The following RUNX1T1 variants were observed in gnomAD, a reference collection of about 807,000 sequenced individuals.
RUNX1T1 encodes the protein RUNX1 partner transcriptional co-repressor 1.
A neutral mutation model predicts 62.8 loss-of-function variants in RUNX1T1; 4 were observed. That is an observed-to-expected ratio of 0.06 (90% CI 0.03 to 0.15). RUNX1T1 has a LOEUF of 0.15. Ranked by LOEUF, RUNX1T1 falls within the 10% of genes least tolerant of loss-of-function variation. The probability of loss-of-function intolerance (pLI) is 1.00; values close to 1 mark genes in which losing one functional copy is unlikely to be tolerated. For synonymous variants in RUNX1T1, 291 were observed against 286.0 expected (o/e 1.02, Z -0.18); for missense variants, 508 against 754.3 (o/e 0.67, Z 3.82).
intron 1 of RUNX1T1, chr8:92,095,462 G>T: frequency 6.5e-7 from 1 of 1,534,732 alleles, no homozygotes; most frequent in Non-Finnish European, 8.7e-7. Context: ...TGTCAGGATG[G>T]CACATTGTGT....
chr8:92,057,303 C>T (rs924636958), intron 1 of RUNX1T1, among the ~76,000 whole-genome samples: 16 of 152,136 alleles, frequency 1.1e-4, no homozygotes, highest in African/African-American at 3.9e-4. Flanking sequence ...CATACCCAAC[C>T]CCTCTCAAAA....
At chr8:92,060,768 G>C (rs1330864011) in intron 1 of RUNX1T1, among the ~76,000 whole-genome samples, 1 of 152,022 alleles carries the variant, frequency 6.6e-6, no homozygotes, top group Non-Finnish European at 1.5e-5. Context: ...TTTAGAGGTA[G>C]TCCATCCAAT....
intron 5 of RUNX1T1, among the ~76,000 whole-genome samples, chr8:92,001,524 A>T (rs1819757328): frequency 6.6e-6 from 1 of 152,234 alleles, no homozygotes; most frequent in African/African-American, 2.4e-5. Flanking sequence ...TGGCCTTTGC[A>T]TTGAAAGTTT....
chr8:91,993,943 G>A (rs1359741685), intron 5 of RUNX1T1, among the ~76,000 whole-genome samples: 1 of 152,148 alleles, frequency 6.6e-6, no homozygotes, highest in African/African-American at 2.4e-5. Flanking sequence ...AGTGAGCCGA[G>A]ATTGTGCCAC....
chr8:92,050,860 T>C (rs1031529701), intron 1 of RUNX1T1, among the ~76,000 whole-genome samples: 1 of 152,184 alleles, frequency 6.6e-6, no homozygotes, highest in Non-Finnish European at 1.5e-5. Context: ...CTTCTAGCAA[T>C]GGACTGGCCC....
intron 1 of RUNX1T1, among the ~76,000 whole-genome samples, chr8:92,038,439 A>G (rs532020772): frequency 1.3e-5 from 2 of 152,342 alleles, no homozygotes; most frequent in African/African-American, 4.8e-5. Flanking sequence ...ATTAAAAAAC[A>G]GAAACACAAA....
chr8:92,079,070 C>T (rs1187415557), intron 1 of RUNX1T1, among the ~76,000 whole-genome samples: 2 of 152,218 alleles, frequency 1.3e-5, no homozygotes, highest in Admixed American at 6.5e-5. Flanking sequence ...GGAATCCTTT[C>T]ACTGCCTAAA....
At chr8:91,960,550 A>G (rs759457063) in intron 10 of RUNX1T1, 33 bp from the exon 12 acceptor site, 48 of 1,607,622 alleles carry the variant, frequency 3.0e-5, no homozygotes, top group Non-Finnish European at 8.5e-7. Flanking sequence ...GCAAGATCCC[A>G]AGTTAATACA....
chr8:91,999,288 G>T (rs1286596552), intron 5 of RUNX1T1, among the ~76,000 whole-genome samples: 1 of 152,162 alleles, frequency 6.6e-6, no homozygotes, highest in Non-Finnish European at 1.5e-5. Flanking sequence ...AAGGACAGAG[G>T]TTTTGGAGTC....
At chr8:92,000,943 T>C (rs150289377) in intron 5 of RUNX1T1, among the ~76,000 whole-genome samples, 2 of 152,324 alleles carry the variant, frequency 1.3e-5, no homozygotes, top group East Asian at 1.9e-4. Context: ...AACTGGAAGA[T>C]TTCAAGTATG....
intron 1 of RUNX1T1, among the ~76,000 whole-genome samples, chr8:92,076,681 AAT>A (rs992823637): frequency 6.6e-6 from 1 of 151,700 alleles, no homozygotes; most frequent in Non-Finnish European, 1.5e-5. Flanking sequence ...TATGTAATAG[AAT>A]AGTTAAAAAA....
rs572509546 is a variant in RUNX1T1, at chr8:91,962,845, G to A, written c.1459-2328C>T. Among the ~76,000 whole-genome samples, 6 of 152,338 alleles carry A rather than the reference G, an allele frequency of 3.9e-5. No individual in the cohort carries two copies. The South Asian group carries it at 1.2e-3, about 32-fold the overall frequency. On this transcript the variant is annotated intron_variant, in intron 10 of 10. Transcript: ENST00000396218. Reference sequence around the variant, plus strand: ...TAATCTGAGTCAAGTGGCTTCTTTAGGAAATACCCTGGTGTGAGTCCTATC... The same window carrying A: ...TAATCTGAGTCAAGTGGCTTCTTTAAGAAATACCCTGGTGTGAGTCCTATC...
At chr8:92,019,845 A>AAC (rs10626905) in intron 1 of RUNX1T1, among the ~76,000 whole-genome samples, 35,528 of 152,044 alleles carry the variant, frequency 0.23, 4,365 homozygotes, top group African/African-American at 0.31. Context: ...CCACACTTGT[A>AAC]ACGACTCCTA....
chr8:92,017,234 G>A (rs781481394), exon 2 of RUNX1T1: 8 of 1,603,486 alleles, frequency 5.0e-6, no homozygotes, highest in East Asian at 2.2e-5. Flanking sequence ...ACACGTTGTC[G>A]GTGTAAATGA....
intron 5 of RUNX1T1, among the ~76,000 whole-genome samples, chr8:92,000,952 T>A (rs542882465): frequency 6.6e-6 from 1 of 152,224 alleles, no homozygotes; most frequent in African/African-American, 2.4e-5. Flanking sequence ...ATTTCAAGTA[T>A]GCAAATATGC....
intron 1 of RUNX1T1, 182 bp from the exon 3 acceptor site, chr8:92,017,545 T>C: frequency 6.7e-7 from 1 of 1,483,752 alleles, no homozygotes; most frequent in Non-Finnish European, 8.9e-7. Context: ...TAAGAAGGTA[T>C]AGCACAGATG....
At chr8:92,011,122 T>A in intron 3 of RUNX1T1, 31 bp from the exon 5 acceptor site, 1 of 1,210,588 alleles carries the variant, frequency 8.3e-7, no homozygotes, top group Non-Finnish European at 1.2e-6. Flanking sequence ...TATAAATACA[T>A]TAGCCTGTTG....
chr8:91,987,249 T>G (rs2130835156), intron 6 of RUNX1T1, among the ~76,000 whole-genome samples: 1 of 152,296 alleles, frequency 6.6e-6, no homozygotes, highest in South Asian at 2.1e-4. Context: ...CACAACTAGT[T>G]ATCCATGCAA....
At chr8:92,032,153 T>C (rs576482560) in intron 1 of RUNX1T1, among the ~76,000 whole-genome samples, 1 of 149,300 alleles carries the variant, frequency 6.7e-6, no homozygotes, top group African/African-American at 2.5e-5. Context: ...AACAGTGTGC[T>C]GCTAGTACAT....
Sources: gnomAD v4.1 joint callset for allele counts (sites outside exome capture counted in the v4.1 genomes callset) on GRCh38, gnomAD v4.1.1 for gene constraint, MANE v1.5 for transcripts, NCBI Gene and HGNC (gene_info 2026-07-23, HGNC 2026-07-21) for gene names.